Variants in NAALADL2 observed in about 807,000 individuals in gnomAD.
NAALADL2 encodes inactive N-acetylated-alpha-linked acidic dipeptidase-like protein 2.
In NAALADL2, 76 loss-of-function variants were observed where a neutral mutation model predicts 87.2. That is an observed-to-expected ratio of 0.87 (90% CI 0.72 to 1.05). NAALADL2 has a LOEUF of 1.05. Among genes scored for constraint, NAALADL2 ranks in the 50% least tolerant of loss-of-function variants. The pLI is 0.00. For synonymous variants in NAALADL2, 354 were observed against 331.0 expected, an observed-to-expected ratio of 1.07 and a Z score of -0.75; for missense variants, 1,089 against 945.8, an observed-to-expected ratio of 1.15 and a Z score of -1.99.
At chr3:174,615,645 G>A (rs977580472) in intron 2 of NAALADL2, among the ~76,000 whole-genome samples, 2 of 152,020 alleles carry the variant, frequency 1.3e-5, no homozygotes, top group Non-Finnish European at 2.9e-5. Flanking sequence ...TATGTCACCT[G>A]AAAGTGACCT....
At chr3:175,132,018 C>T (rs1423497700) in intron 2 of NAALADL2, among the ~76,000 whole-genome samples, 15 of 131,378 alleles carry the variant, frequency 1.1e-4, no homozygotes, top group African/African-American at 3.2e-4. Context: ...ACCTCCCTCC[C>T]GGACGGGGCG....
chr3:175,622,429 G>A (rs1466012683), intron 10 of NAALADL2, among the ~76,000 whole-genome samples: 3 of 152,086 alleles, frequency 2.0e-5, no homozygotes, highest in Admixed American at 6.5e-5. Context: ...ATTCAGTTTC[G>A]TTTCACAGGC....
Position 175,806,139 on chromosome 3 carries a change from G to A in NAALADL2, c.*2936G>A, listed in dbSNP as rs1754682720. The A allele has an allele frequency of 6.6e-6, 1 of 151,884 alleles. No homozygotes were observed. The highest frequency in any genetic ancestry group is 2.1e-4 in the South Asian group (1 of 4,828). The allele number at this position is 151,884 out of a possible 1,614,324, so 9.4% of individuals were successfully genotyped here. Reference sequence around the variant, plus strand: ...GTAACCAGCCATTCTGTCAGATGTTGCATGGGCTGGAAACACTGCTTTTAA... The same window carrying A: ...GTAACCAGCCATTCTGTCAGATGTTACATGGGCTGGAAACACTGCTTTTAA... On this transcript the variant is annotated 3_prime_UTR_variant, in exon 14 of 14. Coordinates refer to ENST00000454872, the MANE Select transcript of NAALADL2 (RefSeq NM_207015.3).
chr3:174,751,662 CAAA>C (rs35752458), intron 3 of NAALADL2, among the ~76,000 whole-genome samples: 1 of 128,432 alleles, frequency 7.8e-6, no homozygotes, highest in African/African-American at 2.9e-5. Flanking sequence ...GACTTTGTCT[CAAA>C]AAAAAAAAAA....
chr3:175,290,870 C>T (rs772007668), intron 4 of NAALADL2, among the ~76,000 whole-genome samples: 18 of 152,000 alleles, frequency 1.2e-4, no homozygotes, highest in Non-Finnish European at 2.9e-5. Flanking sequence ...TGTGTATCTT[C>T]AGTTTGAATA....
At chr3:174,445,625 C>T (rs759479687) in intron 1 of NAALADL2, among the ~76,000 whole-genome samples, 1 of 152,134 alleles carries the variant, frequency 6.6e-6, no homozygotes, top group Non-Finnish European at 1.5e-5. Flanking sequence ...TCTCTTTCCT[C>T]ACACATATAT....
At chr3:174,521,631 C>A (rs1014831706) in intron 1 of NAALADL2, among the ~76,000 whole-genome samples, 1 of 140,800 alleles carries the variant, frequency 7.1e-6, no homozygotes, top group African/African-American at 2.6e-5. Flanking sequence ...TGCAGAAACA[C>A]ATATAGAACT....
At chr3:175,389,438 A>C (rs1768814399) in intron 5 of NAALADL2, among the ~76,000 whole-genome samples, 1 of 152,176 alleles carries the variant, frequency 6.6e-6, no homozygotes, top group African/African-American at 2.4e-5. Flanking sequence ...TTGAAATATT[A>C]TCTTATCAAT....
chr3:174,953,842 GT>G (rs935446950), intron 1 of NAALADL2, among the ~76,000 whole-genome samples: 305 of 150,670 alleles, frequency 2.0e-3, no homozygotes, highest in African/African-American at 6.0e-3. Flanking sequence ...CTTTTTAATT[GT>G]TTTTTTTTCT....
chr3:175,042,311 A>C (rs1056871328), intron 1 of NAALADL2, among the ~76,000 whole-genome samples: 1 of 152,166 alleles, frequency 6.6e-6, no homozygotes, highest in African/African-American at 2.4e-5. Flanking sequence ...TTGGAATACT[A>C]TATATACACC....
chr3:174,816,384 A>ATGTGTG (rs1179331970), intron 3 of NAALADL2, among the ~76,000 whole-genome samples: 54 of 114,812 alleles, frequency 4.7e-4, no homozygotes, highest in Admixed American at 8.1e-4. Flanking sequence ...TGAGATATAT[A>ATGTGTG]TATGTGTGTG....
At chr3:175,544,389 A>G (rs185913654) in intron 9 of NAALADL2, among the ~76,000 whole-genome samples, 1 of 151,334 alleles carries the variant, frequency 6.6e-6, no homozygotes, top group East Asian at 1.9e-4. Flanking sequence ...AAATAGCTAA[A>G]TCATGTCGAC....
chr3:174,952,287 T>C (rs1740485102), intron 1 of NAALADL2, among the ~76,000 whole-genome samples: 2 of 152,176 alleles, frequency 1.3e-5, no homozygotes, highest in Admixed American at 6.6e-5. Flanking sequence ...AAATATCCAA[T>C]ACATATTTGT....
At chr3:175,723,192 A>G (rs1742474439) in intron 11 of NAALADL2, among the ~76,000 whole-genome samples, 1 of 152,120 alleles carries the variant, frequency 6.6e-6, no homozygotes, top group African/African-American at 2.4e-5. Flanking sequence ...GCAGCTGGCT[A>G]AAATCCACTT....
At chr3:175,047,458 A>G (rs1292223381) in intron 1 of NAALADL2, among the ~76,000 whole-genome samples, 2 of 152,180 alleles carry the variant, frequency 1.3e-5, no homozygotes, top group Non-Finnish European at 2.9e-5. Context: ...TTTATGGTAC[A>G]CATAAATGAC....
chr3:175,364,654 C>T (rs1419379978), intron 5 of NAALADL2, among the ~76,000 whole-genome samples: 1 of 147,756 alleles, frequency 6.8e-6, no homozygotes, highest in African/African-American at 2.5e-5. Flanking sequence ...CCCACCAGTT[C>T]CTTCTTGCCT....
chr3:174,832,464 G>T (rs1045026749), intron 3 of NAALADL2, among the ~76,000 whole-genome samples: 6 of 151,920 alleles, frequency 3.9e-5, no homozygotes, highest in Non-Finnish European at 7.4e-5. Flanking sequence ...TTGCCCTGTG[G>T]TGTTGTTGTT....
intron 1 of NAALADL2, among the ~76,000 whole-genome samples, chr3:174,534,829 G>A (rs915889032): frequency 1.3e-5 from 2 of 152,156 alleles, no homozygotes; most frequent in African/African-American, 4.8e-5. Context: ...GAGAAAAAAA[G>A]TGATTTGTTT....
intron 11 of NAALADL2, among the ~76,000 whole-genome samples, chr3:175,631,945 A>G (rs150463243): frequency 1.3e-5 from 2 of 152,208 alleles, no homozygotes; most frequent in African/African-American, 4.8e-5. Context: ...CACTTGCAAT[A>G]CCAAAATGGT....
Sources: allele counts gnomAD v4.1 joint callset (sites outside exome capture counted in the v4.1 genomes callset), GRCh38; gene constraint gnomAD v4.1.1; transcripts MANE v1.5; gene names NCBI Gene and HGNC (gene_info 2026-07-23, HGNC 2026-07-21).